The following MRAP2 variants were observed in gnomAD, a reference collection of about 807,000 sequenced individuals.
MRAP2 encodes the protein melanocortin-2 receptor accessory protein 2.
In MRAP2, 20 loss-of-function variants were observed where a neutral mutation model predicts 17.4. The observed-to-expected ratio is 1.15, with a 90% CI of 0.81 to 1.67. The LOEUF is 1.67. Among genes scored for constraint, MRAP2 ranks in the 40% most tolerant of loss-of-function variants. MRAP2 has a pLI of 0.00. For missense variants in MRAP2, 238 were observed against 240.0 expected (o/e 0.99, Z 0.05); for synonymous variants, 96 against 88.4 (o/e 1.09, Z -0.48).
In MRAP2 at chr6:84,073,888, G is replaced by GTGT. The variant is rs1554438046; in HGVS notation, c.227+10897_227+10898insGTT. The stretch of plus-strand genomic sequence containing the variant: ...GAGATATTTGTGTGTGTGTGTGTGT[G>GTGT]TTTTTTTTTTTTTTTCTCATCAGCT... On this transcript the variant is annotated intron_variant, in intron 3 of 3. Transcript: ENST00000257776. Among the ~76,000 whole-genome samples the GTGT allele has an allele frequency of 4.1e-3, 566 of 137,868 alleles. 7 individuals are homozygous for GTGT. Among genetic ancestry groups the GTGT allele is most frequent in the African/African-American group, 0.014 (534 of 37,040 alleles). 90.4% of individuals were successfully genotyped at this position (137,868 alleles called of 152,430 possible).
intron 3 of MRAP2, among the ~76,000 whole-genome samples, chr6:84,087,317 A>G (rs1285424022): frequency 1.3e-5 from 2 of 152,170 alleles, no homozygotes; most frequent in Admixed American, 1.3e-4. Flanking sequence ...CATTCTTTTG[A>G]GTTTCTGATT....
the MRAP2 span, chr6:84,126,611 G>T: frequency 1.2e-6 from 1 of 800,612 alleles, no homozygotes; most frequent in Non-Finnish European, 1.9e-6. Context: ...CTCTATATAA[G>T]TAAGAGGCAC....
chr6:84,062,606 C>T, intron 2 of MRAP2: 1 of 985,382 alleles, frequency 1.0e-6, no homozygotes, highest in African/African-American at 1.7e-5. Flanking sequence ...TCTTGAGGTC[C>T]TAGATAACCT....
chr6:84,133,295 C>T, the MRAP2 span, among the ~76,000 whole-genome samples: 2 of 152,190 alleles, frequency 1.3e-5, no homozygotes, highest in Non-Finnish European at 2.9e-5. Context: ...CCCAGTTAGG[C>T]TACTCAAGTG....
At chr6:84,071,898 C>A (rs2099496284) in intron 3 of MRAP2, among the ~76,000 whole-genome samples, 1 of 152,138 alleles carries the variant, frequency 6.6e-6, no homozygotes. Context: ...TTTTCCATTT[C>A]TATAAGTGTG....
chr6:84,089,485 A>G lies in MRAP2; in HGVS notation c.*4A>G. On this transcript the variant is annotated 3_prime_UTR_variant, in exon 4 of 4. Transcript: ENST00000257776. ...CTCACACAAAGACCTGGATTGAGAA[A>G]CATGCTCTGTAAAGGGTCTTCCTGA... The G allele has an allele frequency of 6.2e-7, 1 of 1,609,882 alleles. No individual in the cohort carries two copies. Among genetic ancestry groups the G allele is most frequent in the Non-Finnish European group, 8.5e-7 (1 of 1,177,648 alleles).
chr6:84,104,521 T>C, the MRAP2 span, among the ~76,000 whole-genome samples: 1 of 152,188 alleles, frequency 6.6e-6, no homozygotes, highest in Non-Finnish European at 1.5e-5. Context: ...CCTTTTAAAA[T>C]TGAATGCCTG....
chr6:84,047,788 C>T (rs1026157100), intron 1 of MRAP2, among the ~76,000 whole-genome samples: 2 of 152,098 alleles, frequency 1.3e-5, no homozygotes, highest in East Asian at 3.8e-4. Flanking sequence ...TTGCAAAAAC[C>T]ACAATTATGT....
downstream of MRAP2, among the ~76,000 whole-genome samples, chr6:84,091,521 C>T (rs931992999): frequency 6.6e-6 from 1 of 152,052 alleles, no homozygotes; most frequent in Non-Finnish European, 1.5e-5. Context: ...TATGAGCCAC[C>T]ATGCCTGGCC....
intron 3 of MRAP2, among the ~76,000 whole-genome samples, chr6:84,085,783 T>G (rs1399600983): frequency 6.6e-6 from 1 of 152,208 alleles, no homozygotes; most frequent in African/African-American, 2.4e-5. Context: ...CGGAGTACTC[T>G]CCACAAGGAC....
chr6:84,089,383 C>G lies in MRAP2; in HGVS notation c.520C>G (p.Gln174Glu). ...FDIPNFVNTD[Q>E]NYFGEDDLLI... ...CATCCCCAACTTTGTGAACACAGAC[C>G]AGAACTACTTTGGGGAGGATGATCT... Residue 174 changes from glutamine to glutamate, a missense_variant, in exon 4 of 4, where the codon CAG (glutamine) becomes GAG (glutamate). Coordinates refer to ENST00000257776, the MANE Select transcript of MRAP2 (RefSeq NM_138409.4). The G allele has an allele frequency of 6.2e-7, 1 of 1,614,166 alleles. No homozygotes were observed. The highest frequency in any genetic ancestry group is 8.5e-7 in the Non-Finnish European group (1 of 1,180,044).
chr6:84,122,595 C>A, the MRAP2 span, among the ~76,000 whole-genome samples: 1 of 151,946 alleles, frequency 6.6e-6, no homozygotes, highest in South Asian at 2.1e-4. Context: ...TAATAAAAGC[C>A]ATATATTACA....
intron 3 of MRAP2, among the ~76,000 whole-genome samples, chr6:84,068,127 C>T (rs991016906): frequency 3.3e-5 from 5 of 152,116 alleles, no homozygotes; most frequent in East Asian, 1.9e-4. Context: ...ATTATCCCAG[C>T]GCCATTTGTT....
the MRAP2 span, among the ~76,000 whole-genome samples, chr6:84,132,312 T>C: frequency 1.3e-5 from 2 of 152,192 alleles, no homozygotes; most frequent in African/African-American, 2.4e-5. Context: ...AATCTGATAA[T>C]TATGTGTCTT....
At chr6:84,076,979 C>T (rs1164466857) in intron 3 of MRAP2, among the ~76,000 whole-genome samples, 2 of 152,184 alleles carry the variant, frequency 1.3e-5, no homozygotes, top group Non-Finnish European at 2.9e-5. Context: ...AGCTGTGCCT[C>T]TCATAGGAAT....
intron 2 of MRAP2, among the ~76,000 whole-genome samples, chr6:84,055,887 G>A (rs1387634049): frequency 6.6e-6 from 1 of 152,166 alleles, no homozygotes; most frequent in East Asian, 1.9e-4. Context: ...GTATCCATGT[G>A]TGCTCATAAT....
intron 2 of MRAP2, among the ~76,000 whole-genome samples, chr6:84,060,690 CTT>C (rs36021546): frequency 4.2e-5 from 6 of 143,516 alleles, no homozygotes; most frequent in Admixed American, 7.0e-5. Context: ...GTCCTTACAT[CTT>C]TTTTTTTTTT....
intron 3 of MRAP2, among the ~76,000 whole-genome samples, chr6:84,077,182 A>G (rs2099497848): frequency 1.3e-5 from 2 of 152,246 alleles, no homozygotes; most frequent in South Asian, 4.1e-4. Flanking sequence ...TGCATCCTGT[A>G]AGAGCAGGTT....
chr6:84,063,195 GT>G, intron 3 of MRAP2: 1 of 985,374 alleles, frequency 1.0e-6, no homozygotes, highest in Non-Finnish European at 1.2e-6. Flanking sequence ...TTATTTTCAA[GT>G]GGACTTTTAT....
Sources: gnomAD v4.1 joint callset for allele counts (sites outside exome capture counted in the v4.1 genomes callset) on GRCh38, gnomAD v4.1.1 for gene constraint, MANE v1.5 for transcripts, NCBI Gene and HGNC (gene_info 2026-07-23, HGNC 2026-07-21) for gene names.